The following IPO8 variants were observed in gnomAD, a reference collection of about 807,000 sequenced individuals.
IPO8 encodes importin 8.
In IPO8, 65 loss-of-function variants were observed where a neutral mutation model predicts 141.2. That is an observed-to-expected ratio of 0.46 (90% CI 0.38 to 0.57). The LOEUF is 0.57. IPO8 is among the 20% of genes least tolerant of loss of function. The probability of loss-of-function intolerance (pLI) is 0.00; values close to 1 mark genes in which losing one functional copy is unlikely to be tolerated. For missense variants in IPO8, 980 were observed against 1,246.8 expected, an observed-to-expected ratio of 0.79 and a Z score of 3.22; for synonymous variants, 411 against 420.3, an observed-to-expected ratio of 0.98 and a Z score of 0.27.
Position 30,681,646 on chromosome 12 carries a change from G to A in IPO8, c.482+13C>T, listed in dbSNP as rs568444844. 84 of 1,604,280 alleles carry A rather than the reference G, an allele frequency of 5.2e-5. 2 individuals carry two copies. The South Asian group carries it at 6.6e-4, about 13-fold the overall frequency. On this transcript the variant is annotated intron_variant, in intron 4 of 24. Transcript: ENST00000256079. ...ACAAGGCTGCTTTCTTCAGCCAATG[G>A]AAACCAACTTACTCATATGTCTTCA... is the stretch of plus-strand genomic sequence containing the variant.
chr12:30,651,528 C>T (rs957581473), intron 19 of IPO8, among the ~76,000 whole-genome samples: 1 of 151,910 alleles, frequency 6.6e-6, no homozygotes, highest in African/African-American at 2.4e-5. Context: ...AATCTGCCTG[C>T]CAGCTTTATG....
Position 30,634,297 on chromosome 12 carries a change from A to G in IPO8, c.2696-11T>C, listed in dbSNP as rs1292784459. ...CACTTGAAATCTCCTCTGTGAACCC[A>G]TTAATTATTTAAAAGGAATCAAAAC... On this transcript the variant is annotated splice_polypyrimidine_tract_variant and intron_variant, in intron 22 of 24. Transcript: ENST00000256079. 1 of 1,603,324 alleles carries G rather than the reference A, an allele frequency of 6.2e-7. No individual in the cohort carries two copies. Among genetic ancestry groups the G allele is most frequent in the Admixed American group, 1.7e-5 (1 of 59,950 alleles).
At chr12:30,694,767 T>C (rs1050677599) in intron 1 of IPO8, among the ~76,000 whole-genome samples, 3 of 152,186 alleles carry the variant, frequency 2.0e-5, no homozygotes, top group African/African-American at 7.2e-5. Flanking sequence ...CAGTGGTAGC[T>C]CTTAATCCCT....
At chr12:30,654,041 T>TTACA in intron 17 of IPO8, among the ~76,000 whole-genome samples, 1 of 151,954 alleles carries the variant, frequency 6.6e-6, no homozygotes, top group Non-Finnish European at 1.5e-5. Context: ...AGCCCAAAAG[T>TTACA]AAATCTACCC....
chr12:30,683,747 C>T (rs1354372601), intron 3 of IPO8, among the ~76,000 whole-genome samples: 1 of 152,200 alleles, frequency 6.6e-6, no homozygotes, highest in African/African-American at 2.4e-5. Context: ...AACACTGTCA[C>T]TGCAGAAAGT....
intron 2 of IPO8, among the ~76,000 whole-genome samples, chr12:30,689,021 G>A (rs1279502834): frequency 6.6e-6 from 1 of 152,012 alleles, no homozygotes; most frequent in Non-Finnish European, 1.5e-5. Context: ...AAGAAATACT[G>A]CACAGCTGTT....
chr12:30,647,603 C>CAAAAAAAAA (rs34098076), intron 20 of IPO8, among the ~76,000 whole-genome samples: 3 of 40,780 alleles, frequency 7.4e-5, no homozygotes, highest in African/African-American at 3.4e-4. Flanking sequence ...AGACCGTCTC[C>CAAAAAAAAA]AAAAAAAAAA....
chr12:30,683,830 T>C (rs7977562), intron 3 of IPO8, among the ~76,000 whole-genome samples: 9,674 of 152,256 alleles, frequency 0.064, 415 homozygotes, highest in African/African-American at 0.11. Flanking sequence ...TTCTAGTTTA[T>C]ACCTACTCTA....
intron 16 of IPO8, 37 bp from the exon 17 acceptor site, chr12:30,656,787 C>A: frequency 1.0e-6 from 1 of 969,582 alleles, no homozygotes. Flanking sequence ...TTAAAATTAT[C>A]ATAATTAATA....
intron 2 of IPO8, among the ~76,000 whole-genome samples, chr12:30,685,150 T>C (rs2053227368): frequency 6.6e-6 from 1 of 151,962 alleles, no homozygotes; most frequent in Non-Finnish European, 1.5e-5. Flanking sequence ...TTTCTTTTTT[T>C]TTTTTTTGAG....
chr12:30,670,109 G>T (rs541464527), intron 9 of IPO8, among the ~76,000 whole-genome samples: 1 of 152,310 alleles, frequency 6.6e-6, no homozygotes, highest in South Asian at 2.1e-4. Flanking sequence ...CACAGCAAAT[G>T]AAATCAGTAT....
At chr12:30,643,745 C>T (rs982115039) in intron 20 of IPO8, among the ~76,000 whole-genome samples, 3 of 152,236 alleles carry the variant, frequency 2.0e-5, no homozygotes, top group African/African-American at 7.2e-5. Flanking sequence ...TGCCCCTTCG[C>T]ATACATCCAC....
Position 30,656,751 on chromosome 12 carries a change from C to A in IPO8, c.1882-1G>T. 1.4e-6 allele frequency: 2 copies of A among 1,454,658 alleles called. No homozygotes were observed. The highest frequency in any genetic ancestry group is 1.3e-5 in the South Asian group (1 of 74,816). The allele number at this position is 1,454,658 out of a possible 1,614,324, so 90.1% of individuals were successfully genotyped here. On this transcript the variant is annotated splice_acceptor_variant, in intron 16 of 24. Transcript: ENST00000256079. LOFTEE classifies it high-confidence loss of function. Reference sequence around the variant, plus strand: ...AGATATTCTCTAACTGCTGGGTAATCTAAAGATAAATGTTAAATATTAAGC... The same window carrying A: ...AGATATTCTCTAACTGCTGGGTAATATAAAGATAAATGTTAAATATTAAGC...
At chr12:30,675,705 G>C (rs986837735) in intron 6 of IPO8, among the ~76,000 whole-genome samples, 1 of 151,076 alleles carries the variant, frequency 6.6e-6, no homozygotes, top group African/African-American at 2.4e-5. Context: ...TTAGCCGGGC[G>C]TGGTGGCGAG....
chr12:30,695,479 C>G lies in IPO8; in HGVS notation c.84+85G>C. 8.2e-7 allele frequency: 1 copy of G among 1,214,788 alleles called. No homozygotes were observed. Among genetic ancestry groups the G allele is most frequent in the Non-Finnish European group, 1.2e-6 (1 of 831,564 alleles). The allele number at this position is 1,214,788 out of a possible 1,614,324, so 75.3% of individuals were successfully genotyped here. A position where few individuals can be genotyped will look rare whatever the true frequency, so the allele number is the denominator to read the frequency against. On this transcript the variant is annotated intron_variant, in intron 1 of 24. Transcript: ENST00000256079. This position sits in a 1 kb window ranked among gnomAD's most constrained non-coding sequence, Gnocchi z 4.2. Reference sequence around the variant, plus strand: ...AGCCCCAGCCCGGTGGGGGTGAGGACGAGGGGCGCCGGGGAGAGGGAGCCC... The same window carrying G: ...AGCCCCAGCCCGGTGGGGGTGAGGAGGAGGGGCGCCGGGGAGAGGGAGCCC...
At chr12:30,647,697 T>A (rs2052669071) in intron 20 of IPO8, among the ~76,000 whole-genome samples, 1 of 151,570 alleles carries the variant, frequency 6.6e-6, no homozygotes, top group South Asian at 2.1e-4. Flanking sequence ...ATTTGTGCTT[T>A]AAAGGACACC....
intron 20 of IPO8, among the ~76,000 whole-genome samples, chr12:30,646,853 G>C (rs1231282412): frequency 2.0e-5 from 3 of 152,156 alleles, no homozygotes. Context: ...CCCACGTTCA[G>C]GGATTGAAAG....
chr12:30,675,149 A>G (rs1329043180), intron 6 of IPO8, among the ~76,000 whole-genome samples: 1 of 152,246 alleles, frequency 6.6e-6, no homozygotes, highest in Non-Finnish European at 1.5e-5. Context: ...ATGTCAAAAT[A>G]CTTTGTCTCA....
chr12:30,662,297 C>T, intron 15 of IPO8, 30 bp downstream of exon 15: 1 of 1,588,450 alleles, frequency 6.3e-7, no homozygotes, highest in Non-Finnish European at 8.6e-7. Context: ...GGTTTCTAAA[C>T]CAAATTAACA....
Sources: allele counts gnomAD v4.1 joint callset (sites outside exome capture counted in the v4.1 genomes callset), GRCh38; gene constraint gnomAD v4.1.1; non-coding constraint Gnocchi (gnomAD v3.1); transcripts MANE v1.5; gene names NCBI Gene and HGNC (gene_info 2026-07-23, HGNC 2026-07-21).